Variants in TMEM63C observed in about 807,000 individuals in gnomAD.
TMEM63C encodes transmembrane protein 63C, also known as osmosensitive cation channel TMEM63C.
A neutral mutation model predicts 99.2 loss-of-function variants in TMEM63C; 32 were observed. That is an observed-to-expected ratio of 0.32 (90% confidence interval 0.24 to 0.43). The LOEUF (loss-of-function observed/expected upper bound fraction) is 0.43, where lower values mean the gene tolerates loss of function less well. Ranked by LOEUF, TMEM63C falls within the 20% of genes least tolerant of loss-of-function variation. The pLI, the probability that TMEM63C is intolerant of heterozygous loss-of-function variation, is 1.00. For missense variants in TMEM63C, 826 were observed against 1,053.0 expected (o/e 0.78, Z 2.98); for synonymous variants, 376 against 397.9 (o/e 0.94, Z 0.66).
At chr14:77,218,748 T>C in intron 2 of TMEM63C, 53 bp from the exon 3 acceptor site, 1 of 1,587,302 alleles carries the variant, frequency 6.3e-7, no homozygotes, top group Non-Finnish European at 8.6e-7. Flanking sequence ...TTCTGTGTTT[T>C]GCAAAATGCA....
rs570973829 is a variant in TMEM63C, at chr14:77,196,533, G to A, written c.-77+14639G>A. Among the ~76,000 whole-genome samples the A allele has an allele frequency of 2.1e-3, 317 of 152,302 alleles. 1 individual carries two copies. The highest frequency in any genetic ancestry group is 3.4e-3 in the Non-Finnish European group (232 of 68,028). On this transcript the variant is annotated intron_variant, in intron 1 of 23. Transcript: ENST00000298351. ...CTCTGTCCCCTGGAAATTCCCCCGG[G>A]GCTGAGCTGCTAGCTGGGCCTCCTG...
Position 77,218,955 on chromosome 14 carries a change from C to T in TMEM63C, c.142C>T (p.Leu48=), listed in dbSNP as rs368521520. Residue 48 remains leucine, a synonymous_variant, in exon 3 of 24, where the codon CTG becomes TTG. Coordinates refer to ENST00000298351, the MANE Select transcript of TMEM63C (RefSeq NM_020431.4). The stretch of plus-strand genomic sequence containing the variant: ...CACCGTGCTGTGCCTCAACATCGCC[C>T]TGTGGGTGGTGAGTCCTGGGCACTG... ...VPTVLCLNIA[L]WVLVLVVYSF... 14 of 1,589,998 alleles carry T rather than the reference C, an allele frequency of 8.8e-6. No homozygotes were observed. The highest frequency in any genetic ancestry group is 1.3e-5 in the African/African-American group (1 of 74,274).
intron 1 of TMEM63C, among the ~76,000 whole-genome samples, chr14:77,204,686 TACA>T (rs1439692763): frequency 6.6e-6 from 1 of 152,120 alleles, no homozygotes; most frequent in Non-Finnish European, 1.5e-5. Context: ...ATGTACTAGG[TACA>T]ACAAGGAAAA....
intron 12 of TMEM63C, 134 bp from the exon 13 acceptor site, chr14:77,240,341 G>T (rs1378038587): frequency 1.9e-6 from 2 of 1,056,164 alleles, no homozygotes. Context: ...TTGGAGGCCA[G>T]CCAGGGTCCT....
At chr14:77,243,238 G>A (rs999443486) in intron 15 of TMEM63C, among the ~76,000 whole-genome samples, 182 bp downstream of exon 15, 2 of 152,324 alleles carry the variant, frequency 1.3e-5, no homozygotes, top group African/African-American at 4.8e-5. Flanking sequence ...AGGGATGAAG[G>A]TGGGTGACTG....
intron 21 of TMEM63C, among the ~76,000 whole-genome samples, chr14:77,250,778 T>C (rs767679569): frequency 1.3e-5 from 2 of 152,174 alleles, no homozygotes; most frequent in Non-Finnish European, 2.9e-5. Context: ...TCACCCCCAA[T>C]TGCTTATCCC....
At chr14:77,195,286 G>A (rs1015965945) in intron 1 of TMEM63C, among the ~76,000 whole-genome samples, 3 of 152,318 alleles carry the variant, frequency 2.0e-5, no homozygotes, top group African/African-American at 7.2e-5. Context: ...GAAAATGAGA[G>A]CTAGAGAGGA....
At chr14:77,189,144 T>C (rs2540898) in intron 1 of TMEM63C, among the ~76,000 whole-genome samples, 74,447 of 151,376 alleles carry the variant, frequency 0.49, 18,638 homozygotes, top group East Asian at 0.79. Context: ...GGGTCTTGCT[T>C]TGTTGCCCAG....
chr14:77,244,702 A>C (rs1413581928), intron 16 of TMEM63C, among the ~76,000 whole-genome samples: 1 of 152,228 alleles, frequency 6.6e-6, no homozygotes, highest in African/African-American at 2.4e-5. Flanking sequence ...TGTGGGGCCA[A>C]AGCCAAGCCC....
intron 8 of TMEM63C, 37 bp downstream of exon 8, chr14:77,233,537 G>T: frequency 1.2e-6 from 2 of 1,608,124 alleles, no homozygotes; most frequent in Non-Finnish European, 1.7e-6. Flanking sequence ...TCCATTGGCT[G>T]GGGGTGTTGG....
rs1474253685 is a variant in TMEM63C, at chr14:77,242,413, C to T, written c.1131C>T (p.Ile377=). Residue 377 remains isoleucine, a synonymous_variant, in exon 14 of 24, where the codon ATC becomes ATT. Transcript: ENST00000298351. The part of the protein sequence containing the change: ...VQPQQSSVTT[I]VKSYYWRVTM... ...CCCAGCAGTCCTCAGTGACCACCAT[C>T]GTCAAATCATATTACTGGAGGGTCA... 10 of 1,613,784 alleles carry T rather than the reference C, an allele frequency of 6.2e-6. No homozygotes were observed. The African/African-American group carries it at 8.0e-5, about 13-fold the overall frequency.
At position 77,231,459 on chromosome 14, in the gene TMEM63C, A is replaced by G. The variant is rs577703882; in HGVS notation, c.351-129A>G. 30 of 936,154 alleles carry G rather than the reference A, an allele frequency of 3.2e-5. No individual in the cohort carries two copies. In the South Asian group the frequency reaches 5.1e-4, roughly 16 times the overall value. 58.0% of individuals were successfully genotyped at this position (936,154 alleles called of 1,614,324 possible). ...CGAAGTTGCCTTATATATGAGATAT[A>G]GAGATAGTAAAAAAAAAAAAAAACT... On this transcript the variant is annotated intron_variant, in intron 6 of 23. Coordinates refer to ENST00000298351, the MANE Select transcript of TMEM63C (RefSeq NM_020431.4).
At position 77,210,708 on chromosome 14, in the gene TMEM63C, G is replaced by A. The variant is rs557939648; in HGVS notation, c.-76-2738G>A. The stretch of plus-strand genomic sequence containing the variant: ...GAGAAGAAGGAAGAAGGGGAGGTGG[G>A]AGTGGATGCCCATGACCAGGAATCC... On this transcript the variant is annotated intron_variant, in intron 1 of 23. Coordinates refer to ENST00000298351, the MANE Select transcript of TMEM63C (RefSeq NM_020431.4). 1.1e-3 allele frequency among the ~76,000 whole-genome samples: 173 copies of A among 152,340 alleles called. 1 individual carries two copies. Among genetic ancestry groups the A allele is most frequent in the Middle Eastern group, 0.01 (3 of 294 alleles).
intron 22 of TMEM63C, 68 bp downstream of exon 22, chr14:77,251,966 T>C: frequency 7.8e-7 from 1 of 1,289,752 alleles, no homozygotes; most frequent in Non-Finnish European, 1.1e-6. Context: ...TAGGATACTC[T>C]CCAGGTCTGG....
At chr14:77,194,763 G>A (rs1401227241) in intron 1 of TMEM63C, among the ~76,000 whole-genome samples, 1 of 148,024 alleles carries the variant, frequency 6.8e-6, no homozygotes, top group Non-Finnish European at 1.5e-5. Flanking sequence ...TGTACTTTTT[G>A]TGGAACCGGG....
At chr14:77,250,666 C>T (rs886389246) in intron 21 of TMEM63C, among the ~76,000 whole-genome samples, 2 of 152,136 alleles carry the variant, frequency 1.3e-5, no homozygotes, top group African/African-American at 4.8e-5. Flanking sequence ...TCTCGAACTC[C>T]TGAGCTCAGG....
intron 11 of TMEM63C, 24 bp downstream of exon 11, chr14:77,239,516 G>T (rs750312823): frequency 6.2e-7 from 1 of 1,612,874 alleles, no homozygotes; most frequent in Non-Finnish European, 8.5e-7. Flanking sequence ...GGGGCCTTTT[G>T]GGGCCCGGGG....
At chr14:77,221,388 T>C (rs1288791683) in intron 5 of TMEM63C, among the ~76,000 whole-genome samples, 3 of 40,334 alleles carry the variant, frequency 7.4e-5, no homozygotes, top group Admixed American at 2.5e-4. Context: ...CACCTCCCAC[T>C]CACGCCTCCC....
intron 15 of TMEM63C, 23 bp downstream of exon 15, chr14:77,243,079 G>T: frequency 6.2e-7 from 1 of 1,612,524 alleles, no homozygotes; most frequent in African/African-American, 1.3e-5. Context: ...CTCAGGCCAG[G>T]CCTGGGGACC....
Sources: gnomAD v4.1 joint callset for allele counts (sites outside exome capture counted in the v4.1 genomes callset) on GRCh38, gnomAD v4.1.1 for gene constraint, MANE v1.5 for transcripts, NCBI Gene and HGNC (gene_info 2026-07-23, HGNC 2026-07-21) for gene names.